The following TDRD3 variants were observed in gnomAD, a reference collection of about 807,000 sequenced individuals.
TDRD3 encodes the protein tudor domain-containing protein 3.
A neutral mutation model predicts 86.7 loss-of-function variants in TDRD3; 45 were observed. The ratio of observed to expected loss-of-function variants is 0.52; its 90% CI spans 0.41 to 0.67. The LOEUF (loss-of-function observed/expected upper bound fraction) is 0.67. Among genes scored for constraint, TDRD3 ranks in the 30% least tolerant of loss-of-function variants. The pLI, the probability that TDRD3 is intolerant of heterozygous loss-of-function variation, is 0.00. For synonymous variants in TDRD3, 298 were observed against 301.7 expected (o/e 0.99, Z 0.13); for missense variants, 814 against 889.0 (o/e 0.92, Z 1.07).
rs768570013 is a variant in TDRD3, at chr13:60,460,421, T to C, written c.234T>C (p.Asn78=). 4 of 1,602,938 alleles carry C rather than the reference T, an allele frequency of 2.5e-6. No homozygotes were observed. The highest frequency in any genetic ancestry group is 3.5e-5 in the Admixed American group (2 of 56,564). The change falls in exon 4 of 14, where the codon AAT becomes AAC. Residue 78 remains asparagine (N), a synonymous_variant. Transcript: ENST00000377881. Reference sequence around the variant, plus strand: ...TTTTGCAAATTCAAAAAATTCGCAATGTTGCTGCACCAAAGGATAATGAAG... The same window carrying C: ...TTTTGCAAATTCAAAAAATTCGCAACGTTGCTGCACCAAAGGATAATGAAG... The part of the protein sequence containing the change: ...PCVLQIQKIR[N]VAAPKDNEES...
At chr13:60,543,743 T>G (rs780489249) in intron 12 of TDRD3, among the ~76,000 whole-genome samples, 28 of 152,092 alleles carry the variant, frequency 1.8e-4, no homozygotes, top group Non-Finnish European at 3.4e-4. Flanking sequence ...TTCCTTTCTG[T>G]GAGTAGAAGA....
intron 13 of TDRD3, among the ~76,000 whole-genome samples, chr13:60,569,946 T>A (rs1435916592): frequency 6.6e-6 from 1 of 152,192 alleles, no homozygotes; most frequent in Admixed American, 6.5e-5. Flanking sequence ...GTCTAAGACT[T>A]GAAACTATGA....
intron 1 of TDRD3, among the ~76,000 whole-genome samples, chr13:60,427,997 G>T (rs535416319): frequency 6.6e-6 from 1 of 152,102 alleles, no homozygotes; most frequent in African/African-American, 2.4e-5. Context: ...AAATGTCTTT[G>T]GAGCTGTTCT....
chr13:60,453,603 A>T (rs557164095), intron 3 of TDRD3, among the ~76,000 whole-genome samples: 3 of 152,324 alleles, frequency 2.0e-5, no homozygotes, highest in African/African-American at 7.2e-5. Flanking sequence ...GGTTCTTGAC[A>T]AAGTTAAGCA....
chr13:60,460,773 G>C, intron 4 of TDRD3: 1 of 296,072 alleles, frequency 3.4e-6, no homozygotes, highest in South Asian at 5.6e-5. Flanking sequence ...GGGAGGCCAA[G>C]GGGGACGGAT....
At chr13:60,515,481 C>T (rs1330423942) in intron 10 of TDRD3, among the ~76,000 whole-genome samples, 1 of 152,066 alleles carries the variant, frequency 6.6e-6, no homozygotes, top group Non-Finnish European at 1.5e-5. Context: ...TACACACACA[C>T]ATATATATAT....
At chr13:60,456,137 T>C (rs967862780) in intron 3 of TDRD3, among the ~76,000 whole-genome samples, 1 of 151,900 alleles carries the variant, frequency 6.6e-6, no homozygotes, top group African/African-American at 2.4e-5. Context: ...AAATGGTTTC[T>C]AGAGTTAAGA....
At chr13:60,458,496 G>T (rs1374319027) in intron 3 of TDRD3, among the ~76,000 whole-genome samples, 1 of 152,166 alleles carries the variant, frequency 6.6e-6, no homozygotes, top group Non-Finnish European at 1.5e-5. Context: ...GGGTGCCATG[G>T]TTGCTCCAGA....
intron 1 of TDRD3, among the ~76,000 whole-genome samples, chr13:60,400,564 G>A (rs979603923): frequency 4.0e-5 from 6 of 151,874 alleles, no homozygotes; most frequent in South Asian, 2.1e-4. Flanking sequence ...GTGAAACCCC[G>A]TCTCTACTAA....
chr13:60,487,354 T>C (rs912706482), intron 7 of TDRD3, among the ~76,000 whole-genome samples: 1 of 152,066 alleles, frequency 6.6e-6, no homozygotes, highest in Admixed American at 6.5e-5. Flanking sequence ...TGCATGCCTG[T>C]AATCCCAGCT....
intron 1 of TDRD3, among the ~76,000 whole-genome samples, chr13:60,427,946 T>G (rs1326043493): frequency 6.6e-6 from 1 of 152,146 alleles, no homozygotes; most frequent in Admixed American, 6.5e-5. Flanking sequence ...CAATTGAAAT[T>G]TATTCACTTA....
intron 1 of TDRD3, among the ~76,000 whole-genome samples, chr13:60,416,053 T>C: frequency 6.6e-6 from 1 of 152,176 alleles, no homozygotes; most frequent in Non-Finnish European, 1.5e-5. Flanking sequence ...ACCCTTTGCT[T>C]AAGAATTAAT....
chr13:60,558,815 CA>C (rs897104950), intron 12 of TDRD3, among the ~76,000 whole-genome samples: 2 of 150,768 alleles, frequency 1.3e-5, no homozygotes, highest in Non-Finnish European at 3.0e-5. Flanking sequence ...CTCCCCAAAA[CA>C]AAAAAAATGG....
intron 8 of TDRD3, among the ~76,000 whole-genome samples, chr13:60,496,288 CATATATATAT>C (rs56211733): frequency 0.018 from 1,092 of 60,782 alleles, 12 homozygotes; most frequent in East Asian, 0.028. Context: ...AACAAACTCC[CATATATATAT>C]ATATATATAT....
At position 60,439,709 on chromosome 13, in the gene TDRD3, T is replaced by C. The variant is rs1955209478; in HGVS notation, c.63T>C (p.Ile21=). The change falls in exon 2 of 14, where the codon ATT becomes ATC. Residue 21 remains isoleucine (I), a synonymous_variant. Transcript: ENST00000377881. ...QAGWYLSDEG[I]EACTSSPDKV... ...ACAGGTATCTTTCAGATGAAGGCAT[T>C]GAAGCTTGCACAAGCTCTCCAGACA... 1 of 1,544,548 alleles carries C rather than the reference T, an allele frequency of 6.5e-7. No homozygotes were observed. The highest frequency in any genetic ancestry group is 8.7e-7 in the Non-Finnish European group (1 of 1,144,760).
chr13:60,514,564 T>G (rs781425793), intron 10 of TDRD3, among the ~76,000 whole-genome samples: 5 of 152,048 alleles, frequency 3.3e-5, no homozygotes, highest in Non-Finnish European at 4.4e-5. Context: ...TTAGGGGAGA[T>G]GACATCTAGT....
At chr13:60,412,006 A>G (rs779886914) in intron 1 of TDRD3, among the ~76,000 whole-genome samples, 9 of 152,226 alleles carry the variant, frequency 5.9e-5, no homozygotes, top group Non-Finnish European at 1.3e-4. Context: ...GAAGAGAGAC[A>G]TCGTATCCTT....
chr13:60,432,961 C>A (rs1220867490), intron 1 of TDRD3, among the ~76,000 whole-genome samples: 1 of 152,038 alleles, frequency 6.6e-6, no homozygotes, highest in Non-Finnish European at 1.5e-5. Context: ...TGCATGAAGC[C>A]ATTTGATTTG....
At chr13:60,479,201 CTT>C (rs1313358732) in intron 5 of TDRD3, among the ~76,000 whole-genome samples, 7 of 152,138 alleles carry the variant, frequency 4.6e-5, no homozygotes, top group African/African-American at 1.7e-4. Context: ...ATTTATGTCT[CTT>C]TTTTCATTAA....
Sources: gnomAD v4.1 joint callset for allele counts (sites outside exome capture counted in the v4.1 genomes callset) on GRCh38, gnomAD v4.1.1 for gene constraint, MANE v1.5 for transcripts, NCBI Gene and HGNC (gene_info 2026-07-23, HGNC 2026-07-21) for gene names.